XRCC4: variants seen among roughly 807,000 people sequenced by gnomAD.
XRCC4 encodes DNA repair protein XRCC4.
XRCC4 carries 28 observed loss-of-function variants against 39.1 expected under a neutral mutation model. That is an observed-to-expected ratio of 0.72 (90% CI 0.53 to 0.98). XRCC4 has a LOEUF of 0.98. XRCC4 is among the 50% of genes least tolerant of loss of function. The pLI is 0.00. For missense variants in XRCC4, 350 were observed against 376.4 expected, an observed-to-expected ratio of 0.93 and a Z score of 0.58; for synonymous variants, 123 against 126.4, an observed-to-expected ratio of 0.97 and a Z score of 0.18.
intron 3 of XRCC4, among the ~76,000 whole-genome samples, chr5:83,142,323 GATGAGGAAACTAACTCTCAGTGGTGTTTA>G (rs1748220159): frequency 2.3e-5 from 1 of 43,670 alleles, no homozygotes; most frequent in Admixed American, 1.5e-4. Context: ...GTGGTGTTTA[GATGAGGAAACTAACTCTCAGTGGTGTTTA>G]ATTTGTCTAC....
At chr5:83,339,748 G>A (rs568542857) in intron 7 of XRCC4, among the ~76,000 whole-genome samples, 24 of 152,262 alleles carry the variant, frequency 1.6e-4, no homozygotes, top group South Asian at 1.0e-3. Context: ...GGCCCTGTGC[G>A]ATTGACAGCA....
intron 6 of XRCC4, among the ~76,000 whole-genome samples, chr5:83,251,391 G>A (rs1753304513): frequency 6.6e-6 from 1 of 151,904 alleles, no homozygotes; most frequent in South Asian, 2.1e-4. Context: ...GGGTGTGGTG[G>A]CGAGTGCCTG....
chr5:83,159,913 C>T (rs1749127290), intron 3 of XRCC4, among the ~76,000 whole-genome samples: 1 of 151,968 alleles, frequency 6.6e-6, no homozygotes, highest in Non-Finnish European at 1.5e-5. Context: ...ACCTATATTG[C>T]ACTGTGAATA....
In XRCC4 at chr5:83,247,323, G is replaced by A. The variant is rs538818156; in HGVS notation, c.746-11207G>A. 2.6e-4 allele frequency among the ~76,000 whole-genome samples: 39 copies of A among 152,194 alleles called. No individual in the cohort carries two copies. The South Asian group carries it at 4.6e-3, about 18-fold the overall frequency. ...CCTAGCAGCAGACCAGTTCTGGTTCGTGGCCTGTTAGGAACTGGGCCGCAC... is the reference window on the plus strand; with the variant it reads ...CCTAGCAGCAGACCAGTTCTGGTTCATGGCCTGTTAGGAACTGGGCCGCAC... On this transcript the variant is annotated intron_variant, in intron 6 of 7. Transcript: ENST00000396027.
intron 6 of XRCC4, among the ~76,000 whole-genome samples, chr5:83,214,848 ATAAT>A (rs751033271): frequency 3.0e-5 from 4 of 134,500 alleles, no homozygotes; most frequent in Non-Finnish European, 3.1e-5. Context: ...AAAAAAAAAA[ATAAT>A]AATAATAAAA....
At chr5:83,313,926 G>A (rs1310926424) in intron 7 of XRCC4, among the ~76,000 whole-genome samples, 3 of 141,846 alleles carry the variant, frequency 2.1e-5, no homozygotes, top group Non-Finnish European at 4.5e-5. Flanking sequence ...TATAAAGACA[G>A]TAATGTTGTA....
intron 3 of XRCC4, among the ~76,000 whole-genome samples, chr5:83,122,091 G>C (rs1580250648): frequency 1.3e-5 from 2 of 152,258 alleles, no homozygotes; most frequent in South Asian, 4.1e-4. Flanking sequence ...AATAAATCAT[G>C]AAATCAGGTG....
At chr5:83,363,756 G>T in the XRCC4 span, among the ~76,000 whole-genome samples, 2 of 152,202 alleles carry the variant, frequency 1.3e-5, no homozygotes, top group Non-Finnish European at 2.9e-5. Context: ...GATTTGGAGA[G>T]AATGTTTTTA....
At chr5:83,279,062 TATATAATAAA>T (rs1362924290) in intron 7 of XRCC4, among the ~76,000 whole-genome samples, 39 of 144,986 alleles carry the variant, frequency 2.7e-4, no homozygotes, top group Non-Finnish European at 5.6e-4. Flanking sequence ...TTTTATAATA[TATATAATAAA>T]ATATAATATA....
intron 3 of XRCC4, among the ~76,000 whole-genome samples, chr5:83,144,851 T>A (rs1748375105): frequency 6.6e-6 from 1 of 152,094 alleles, no homozygotes; most frequent in Non-Finnish European, 1.5e-5. Flanking sequence ...TTATAGCCTT[T>A]ATTTCCCCCA....
chr5:83,366,145 C>T, the XRCC4 span, among the ~76,000 whole-genome samples: 3 of 152,160 alleles, frequency 2.0e-5, no homozygotes, highest in Non-Finnish European at 2.9e-5. Context: ...TATTATACAT[C>T]ATTAATGAAT....
chr5:83,268,360 G>T (rs1185872918), intron 7 of XRCC4, among the ~76,000 whole-genome samples: 1 of 151,960 alleles, frequency 6.6e-6, no homozygotes, highest in African/African-American at 2.4e-5. Context: ...CAAGTCATGG[G>T]GATTGACTTC....
chr5:83,333,284 T>A (rs2112173978), intron 7 of XRCC4, among the ~76,000 whole-genome samples: 2 of 152,306 alleles, frequency 1.3e-5, no homozygotes, highest in South Asian at 4.1e-4. Context: ...CAAAGTATAG[T>A]CATGTATTCT....
intron 3 of XRCC4, among the ~76,000 whole-genome samples, chr5:83,145,809 T>G (rs778483732): frequency 6.6e-6 from 1 of 152,194 alleles, no homozygotes; most frequent in Non-Finnish European, 1.5e-5. Context: ...TTATTCTTTT[T>G]TTTCCCCAGA....
At chr5:83,102,088 T>C (rs143602572) in intron 1 of XRCC4, among the ~76,000 whole-genome samples, 29 of 151,982 alleles carry the variant, frequency 1.9e-4, no homozygotes, top group African/African-American at 7.0e-4. Flanking sequence ...TAATTAAAAC[T>C]GAATGTGATA....
At chr5:83,231,134 T>C (rs556003339) in intron 6 of XRCC4, among the ~76,000 whole-genome samples, 176 of 152,172 alleles carry the variant, frequency 1.2e-3, no homozygotes, top group Admixed American at 2.0e-3. Flanking sequence ...TCATGTCTAA[T>C]CTTCTGTTTA....
downstream of XRCC4, among the ~76,000 whole-genome samples, chr5:83,356,344 T>C (rs181677627): frequency 2.7e-3 from 406 of 152,254 alleles, 1 homozygote; most frequent in Middle Eastern, 0.01. Context: ...TCTATCTATA[T>C]ATATAGATAT....
At chr5:83,272,741 G>A (rs193249011) in intron 7 of XRCC4, among the ~76,000 whole-genome samples, 13 of 152,208 alleles carry the variant, frequency 8.5e-5, no homozygotes, top group African/African-American at 2.9e-4. Flanking sequence ...CCATGTCCCT[G>A]CAAATGGCAT....
chr5:83,103,919 G>A (rs556899236), intron 1 of XRCC4, among the ~76,000 whole-genome samples: 103 of 152,306 alleles, frequency 6.8e-4, no homozygotes, highest in African/African-American at 2.4e-3. Flanking sequence ...TGGAGGGAGT[G>A]TGAGAATGAA....
Sources: allele counts gnomAD v4.1 joint callset (sites outside exome capture counted in the v4.1 genomes callset), GRCh38; gene constraint gnomAD v4.1.1; transcripts MANE v1.5; gene names NCBI Gene and HGNC (gene_info 2026-07-23, HGNC 2026-07-21).